The following MNAT1 variants were observed in gnomAD, a reference collection of about 807,000 sequenced individuals.
MNAT1 encodes CDK-activating kinase assembly factor MAT1.
MNAT1 carries 43 observed loss-of-function variants against 42.0 expected under a neutral mutation model. The observed-to-expected ratio is 1.02, with a 90% CI of 0.80 to 1.32. The LOEUF (loss-of-function observed/expected upper bound fraction) is 1.32, where lower values mean the gene tolerates loss of function less well. Among genes scored for constraint, MNAT1 ranks in the 40% most tolerant of loss-of-function variants. The probability of loss-of-function intolerance (pLI) is 0.00; values close to 1 mark genes in which losing one functional copy is unlikely to be tolerated. For synonymous variants in MNAT1, 118 were observed against 120.0 expected, an observed-to-expected ratio of 0.98 and a Z score of 0.11; for missense variants, 306 against 350.4, an observed-to-expected ratio of 0.87 and a Z score of 1.01.
At chr14:60,758,608 C>A (rs986123450) in intron 1 of MNAT1, among the ~76,000 whole-genome samples, 8 of 147,968 alleles carry the variant, frequency 5.4e-5, no homozygotes, top group African/African-American at 1.5e-4. Context: ...AAAAAAAAAC[C>A]CCCAAATTCA....
intron 1 of MNAT1, among the ~76,000 whole-genome samples, chr14:60,756,788 G>A (rs1477686603): frequency 6.6e-6 from 1 of 152,132 alleles, no homozygotes; most frequent in East Asian, 1.9e-4. Context: ...ATAGAGCCAT[G>A]TCTATTTTGA....
intron 7 of MNAT1, among the ~76,000 whole-genome samples, chr14:60,922,393 C>T (rs1363291199): frequency 6.6e-6 from 1 of 152,096 alleles, no homozygotes; most frequent in East Asian, 1.9e-4. Context: ...CTTAGAGTAA[C>T]ATTAACATTT....
chr14:60,937,408 G>A (rs542228611), intron 7 of MNAT1, among the ~76,000 whole-genome samples: 4 of 152,266 alleles, frequency 2.6e-5, no homozygotes, highest in African/African-American at 9.6e-5. Flanking sequence ...TTAGTATAAG[G>A]TGTAAGGAAG....
At chr14:60,799,075 C>T (rs2032116213) in intron 3 of MNAT1, among the ~76,000 whole-genome samples, 1 of 152,100 alleles carries the variant, frequency 6.6e-6, no homozygotes, top group African/African-American at 2.4e-5. Flanking sequence ...ACTAGAAAAT[C>T]CAGAAAATCT....
intron 6 of MNAT1, among the ~76,000 whole-genome samples, chr14:60,857,787 A>G (rs2033998698): frequency 7.0e-6 from 1 of 143,564 alleles, no homozygotes; most frequent in Non-Finnish European, 1.5e-5. Context: ...ATGTGTTCGC[A>G]TTGTTCAACT....
intron 7 of MNAT1, among the ~76,000 whole-genome samples, chr14:60,952,318 A>G (rs949348607): frequency 2.6e-5 from 4 of 152,206 alleles, no homozygotes; most frequent in African/African-American, 7.2e-5. Context: ...CAGGAATCCA[A>G]TGAATGTCTT....
At position 60,788,960 on chromosome 14, in the gene MNAT1, C is replaced by G. The variant is rs541578027; in HGVS notation, c.90-7257C>G. On this transcript the variant is annotated intron_variant, in intron 1 of 7. Transcript: ENST00000261245. ...TTGGCGCAGTGCTTTTAATTTCCTTCGAGGACTTTTCCTTTGCATTCATGA... is the reference window on the plus strand; with the variant it reads ...TTGGCGCAGTGCTTTTAATTTCCTTGGAGGACTTTTCCTTTGCATTCATGA... 2.1e-4 allele frequency among the ~76,000 whole-genome samples: 32 copies of G among 152,244 alleles called. No homozygotes were observed. The Middle Eastern group carries it at 0.01, about 49-fold the overall frequency.
At chr14:60,747,054 C>T (rs1209288962) in intron 1 of MNAT1, among the ~76,000 whole-genome samples, 30 of 145,810 alleles carry the variant, frequency 2.1e-4, no homozygotes, top group Non-Finnish European at 4.1e-4. Context: ...GGTGCGATCT[C>T]GGCTCACTGC....
At chr14:60,837,438 G>T (rs2033423754) in intron 6 of MNAT1, among the ~76,000 whole-genome samples, 1 of 152,192 alleles carries the variant, frequency 6.6e-6, no homozygotes, top group South Asian at 2.1e-4. Context: ...GTTCCTCACG[G>T]TGCAGTCCCT....
intron 7 of MNAT1, among the ~76,000 whole-genome samples, chr14:60,960,344 C>T (rs1185304869): frequency 1.3e-5 from 2 of 152,224 alleles, no homozygotes; most frequent in African/African-American, 4.8e-5. Context: ...GACCATTACA[C>T]ATTGTAGTTC....
intron 1 of MNAT1, among the ~76,000 whole-genome samples, chr14:60,781,734 T>G (rs1367997717): frequency 6.6e-6 from 1 of 152,168 alleles, no homozygotes; most frequent in Non-Finnish European, 1.5e-5. Flanking sequence ...AAGTTTTCTC[T>G]TTGATCTTTA....
At chr14:60,886,434 A>G (rs1273694727) in intron 7 of MNAT1, among the ~76,000 whole-genome samples, 1 of 151,920 alleles carries the variant, frequency 6.6e-6, no homozygotes, top group Non-Finnish European at 1.5e-5. Context: ...TTCAGTGTGT[A>G]CAGCTTTGAC....
At chr14:60,795,871 A>G (rs1278099767) in intron 1 of MNAT1, among the ~76,000 whole-genome samples, 2 of 152,292 alleles carry the variant, frequency 1.3e-5, no homozygotes, top group African/African-American at 2.4e-5. Flanking sequence ...GCCCAGGTCT[A>G]TGGATGATAT....
At chr14:60,755,235 C>A (rs1460375235) in intron 1 of MNAT1, among the ~76,000 whole-genome samples, 1 of 152,074 alleles carries the variant, frequency 6.6e-6, no homozygotes. Flanking sequence ...CCTCTGCCTC[C>A]CAGGTTCAAG....
chr14:60,916,445 A>C (rs988512282), intron 7 of MNAT1, among the ~76,000 whole-genome samples: 1 of 152,222 alleles, frequency 6.6e-6, no homozygotes, highest in Admixed American at 6.5e-5. Flanking sequence ...GCTTGAGCCC[A>C]GGAGTTTAAG....
At position 60,821,090 on chromosome 14, in the gene MNAT1, G is replaced by A. The variant is rs575312678; in HGVS notation, c.687+2243G>A. On this transcript the variant is annotated intron_variant, in intron 6 of 7. Transcript: ENST00000261245. ...TCCTTATGCTCAATTCACACTGACC[G>A]TTTGACTATTCTATCTAAAGTATCT... Among the ~76,000 whole-genome samples, 8 of 152,180 alleles carry A rather than the reference G, an allele frequency of 5.3e-5. No homozygotes were observed. In the East Asian group the frequency reaches 1.4e-3, roughly 26 times the overall value.
intron 4 of MNAT1, among the ~76,000 whole-genome samples, chr14:60,810,777 C>T (rs1233250022): frequency 2.6e-5 from 4 of 152,150 alleles, no homozygotes; most frequent in African/African-American, 4.8e-5. Flanking sequence ...TGTGACCTAT[C>T]CTGTAGAAAG....
At chr14:60,911,649 C>G (rs959827482) in intron 7 of MNAT1, among the ~76,000 whole-genome samples, 4 of 152,148 alleles carry the variant, frequency 2.6e-5, no homozygotes, top group African/African-American at 9.7e-5. Flanking sequence ...GTTTCTTAAT[C>G]CTGAGTTCTA....
intron 1 of MNAT1, among the ~76,000 whole-genome samples, chr14:60,793,915 C>A (rs2031913440): frequency 6.6e-6 from 1 of 152,022 alleles, no homozygotes; most frequent in Middle Eastern, 3.4e-3. Context: ...GGAAAATAAA[C>A]TGCAATAAAA....
Sources: allele counts gnomAD v4.1 joint callset (sites outside exome capture counted in the v4.1 genomes callset), GRCh38; gene constraint gnomAD v4.1.1; transcripts MANE v1.5; gene names NCBI Gene and HGNC (gene_info 2026-07-23, HGNC 2026-07-21).